The following KMT2D variants were observed in gnomAD, a reference collection of about 807,000 sequenced individuals.
KMT2D encodes lysine methyltransferase 2D.
KMT2D carries 55 observed loss-of-function variants against 512.7 expected under a neutral mutation model. The ratio of observed to expected loss-of-function variants is 0.11; its 90% CI spans 0.09 to 0.13. The LOEUF is 0.13. KMT2D is among the 10% of genes least tolerant of loss of function. KMT2D has a pLI of 1.00. For missense variants in KMT2D, 6,061 were observed against 7,127.9 expected (o/e 0.85, Z 5.39); for synonymous variants, 2,995 against 2,904.0 (o/e 1.03, Z -1.01).
At chr12:49,035,024 A>G (rs1943146864) in intron 35 of KMT2D, 89 bp from the exon 36 acceptor site, 1 of 1,519,524 alleles carries the variant, frequency 6.6e-7, no homozygotes, top group African/African-American at 1.4e-5. Context: ...GACTTCAACC[A>G]CGCCAGGCAG....
In KMT2D at chr12:49,037,944, T is replaced by A. The variant is rs1219317505; in HGVS notation, c.9412A>T (p.Thr3138Ser). 2 of 1,603,666 alleles carry A rather than the reference T, an allele frequency of 1.2e-6. No individual in the cohort carries two copies. Among genetic ancestry groups the A allele is most frequent in the Admixed American group, 3.4e-5 (2 of 58,472 alleles). ...GCAGGTGCGGGCTCTACCTTGGGGG[T>A]AGCAATGGTGAATTGGCAAGGAGAA... is the stretch of plus-strand genomic sequence containing the variant. ...HPSPCQFTIA[T>S]PKVEPAPAAN... The change falls in exon 35 of 55, where the codon ACC becomes TCC. Residue 3138 changes from threonine (T) to serine (S), a missense_variant. This residue lies in a region of KMT2D where 533 missense variants were observed against 539.6 expected (regional missense o/e 0.99). Coordinates refer to ENST00000301067, the MANE Select transcript of KMT2D (RefSeq NM_003482.4).
At position 49,042,422 on chromosome 12, in the gene KMT2D, CAA is replaced by C; in HGVS notation, c.5868-94_5868-93del. Reference sequence around the variant, plus strand: ...AGAGCCCCAGGCCACTGCCCTGCCCCAAAAGAGGAGGGTCACTAACAAGGGAA... The same window carrying C: ...AGAGCCCCAGGCCACTGCCCTGCCCCAAGAGGAGGGTCACTAACAAGGGAA... On this transcript the variant is annotated intron_variant, in intron 28 of 54. Coordinates refer to ENST00000301067, the MANE Select transcript of KMT2D (RefSeq NM_003482.4). The surrounding 1 kb of genome is among the most constrained non-coding windows in gnomAD (Gnocchi z 4.4). 1 of 1,503,834 alleles carries C rather than the reference CAA, an allele frequency of 6.6e-7. No homozygotes were observed. The highest frequency in any genetic ancestry group is 8.9e-7 in the Non-Finnish European group (1 of 1,119,762). The allele number at this position is 1,503,834 out of a possible 1,614,324, so 93.2% of individuals were successfully genotyped here.
chr12:49,043,005 C>T, intron 26 of KMT2D, 71 bp downstream of exon 26: 1 of 1,560,638 alleles, frequency 6.4e-7, no homozygotes, highest in Non-Finnish European at 8.8e-7. Context: ...GATCACAGTC[C>T]CAAAGATAGG....
At chr12:49,052,457 G>A (rs777342213) in intron 10 of KMT2D, 33 bp from the exon 11 acceptor site, 1 of 1,546,274 alleles carries the variant, frequency 6.5e-7, no homozygotes, top group South Asian at 1.2e-5. Flanking sequence ...CTCCTATCTA[G>A]CTCAGATCTA....
Position 49,019,978 on chromosome 12 carries a change from A to C in KMT2D, c.*1802T>G. The stretch of plus-strand genomic sequence containing the variant: ...GATTCTTGAAAATATTAATTACAAA[A>C]TGCCCTTTGCCCACAGCCCCTAGAA... On this transcript the variant is annotated 3_prime_UTR_variant, in exon 55 of 55. Coordinates refer to ENST00000301067, the MANE Select transcript of KMT2D (RefSeq NM_003482.4). 1 of 222,692 alleles carries C rather than the reference A, an allele frequency of 4.5e-6. No homozygotes were observed. The highest frequency in any genetic ancestry group is 1.3e-3 in the Middle Eastern group (1 of 742). The allele number at this position is 222,692 out of a possible 1,614,324, so 13.8% of individuals were successfully genotyped here.
rs373936493 is a variant in KMT2D at position 49,022,174 on chromosome 12, G to T, written c.16413-23C>A. 1 of 1,609,742 alleles carries T rather than the reference G, an allele frequency of 6.2e-7. No homozygotes were observed. Among genetic ancestry groups the T allele is most frequent in the Non-Finnish European group, 8.5e-7 (1 of 1,176,138 alleles). ...TACCTGGGCAGTGGGACAGAGTCAG[G>T]GATGTCAGGCAACTAACTTGGGACA... On this transcript the variant is annotated intron_variant, in intron 53 of 54. Transcript: ENST00000301067. This position sits in a 1 kb window ranked among gnomAD's most constrained non-coding sequence, Gnocchi z 8.6.
rs565063298 is a variant in KMT2D, at chr12:49,042,067, C to T, written c.6109+22G>A. On this transcript the variant is annotated intron_variant, in intron 29 of 54. Transcript: ENST00000301067. This position sits in a 1 kb window ranked among gnomAD's most constrained non-coding sequence, Gnocchi z 4.4. ...CCTGCCATGTTGCCAGGCTGTCTCC[C>T]TTGCCCTCATCCCACAGGTACCTGG... 7 of 1,613,434 alleles carry T rather than the reference C, an allele frequency of 4.3e-6. No individual in the cohort carries two copies. In the Admixed American group the frequency reaches 6.7e-5, roughly 15 times the overall value.
Position 49,024,765 on chromosome 12 carries a change from T to C in KMT2D, c.15921+45A>G, listed in dbSNP as rs2137711076. 1.2e-6 allele frequency: 2 copies of C among 1,608,538 alleles called. No homozygotes were observed. The highest frequency in any genetic ancestry group is 4.5e-5 in the East Asian group (2 of 44,744). On this transcript the variant is annotated intron_variant, in intron 50 of 54. Coordinates refer to ENST00000301067, the MANE Select transcript of KMT2D (RefSeq NM_003482.4). This position sits in a 1 kb window ranked among gnomAD's most constrained non-coding sequence, Gnocchi z 4.5. The stretch of plus-strand genomic sequence containing the variant: ...GAGTTTTTTTGGGGTTAGGCCAAAG[T>C]TCTCAGTGCCCGCCAAGCCCCCCAG...
chr12:49,051,095 C>T lies in KMT2D; in HGVS notation c.2588G>A (p.Arg863Gln), dbSNP rs747921601. Reference protein sequence around the residue: ...PELEKPPLSPRPEKPPEEPGQ... With the variant: ...PELEKPPLSPQPEKPPEEPGQ... Reference sequence around the variant, plus strand: ...TGGCTCCTCAGGGGGCTTTTCAGGCCGAGGGGACAGGGGTGGCTTCTCAAG... The same window carrying T: ...TGGCTCCTCAGGGGGCTTTTCAGGCTGAGGGGACAGGGGTGGCTTCTCAAG... Residue 863 changes from arginine (R) to glutamine (Q), a missense_variant, in exon 11 of 55, where the codon CGG (arginine) becomes CAG (glutamine). Coordinates refer to ENST00000301067, the MANE Select transcript of KMT2D (RefSeq NM_003482.4). 1.9e-5 allele frequency: 29 copies of T among 1,519,988 alleles called. No homozygotes were observed. Among genetic ancestry groups the T allele is most frequent in the Admixed American group, 6.7e-5 (3 of 44,650 alleles). 94.2% of individuals were successfully genotyped at this position (1,519,988 alleles called of 1,614,324 possible).
At chr12:49,057,654 C>T (rs1347221556) in intron 1 of KMT2D, among the ~76,000 whole-genome samples, 1 of 152,182 alleles carries the variant, frequency 6.6e-6, no homozygotes, top group East Asian at 1.9e-4. Context: ...ATTTCCCCAT[C>T]CCTGCAGTCC....
chr12:49,025,055 A>G, intron 49 of KMT2D, 109 bp from the exon 50 acceptor site: 1 of 1,264,956 alleles, frequency 7.9e-7, no homozygotes, highest in Non-Finnish European at 1.1e-6. Context: ...AAGCCTCCCT[A>G]TCATGAAGTT....
In KMT2D at chr12:49,054,985, A is replaced by G. The variant is rs1938321808; in HGVS notation, c.91T>C (p.Ser31Pro). Residue 31 changes from serine (S) to proline (P), a missense_variant, in exon 3 of 55, where the codon TCA becomes CCA. Transcript: ENST00000301067. This position sits in a 1 kb window ranked among gnomAD's most constrained non-coding sequence, Gnocchi z 6.4. ...CCCACATGTGGGTTGGGCAGGTCTG[A>G]CTCAGTGGCACTTGGGTCCTCAGAA... Reference protein sequence around the residue: ...AASEDPSATESDLPNPHVGEV... With the variant: ...AASEDPSATEPDLPNPHVGEV... The G allele has an allele frequency of 1.9e-6, 3 of 1,613,988 alleles. No homozygotes were observed. Among genetic ancestry groups the G allele is most frequent in the Middle Eastern group, 3.3e-4 (2 of 6,062 alleles).
In KMT2D at chr12:49,050,701, C is replaced by T. The variant is rs1223946550; in HGVS notation, c.2887G>A (p.Ala963Thr). Residue 963 changes from alanine (A) to threonine (T), a missense_variant, in exon 12 of 55, where the codon GCC becomes ACC. Physicochemically the swap from Ala to Thr is moderately conservative, Grantham distance 58 (BLOSUM62 0). Around this residue, in one of 16 missense-constraint regions of KMT2D, gnomAD observed 848 missense variants for 838.5 expected, o/e 1.01. Coordinates refer to ENST00000301067, the MANE Select transcript of KMT2D (RefSeq NM_003482.4). ...GACTCAGGGTCACTGTCCCCTTTGG[C>T]ACCAAAGGGGTACTCTAACTCCCCC... ...PLGELEYPFG[A>T]KGDSDPESPL... The T allele has an allele frequency of 3.7e-6, 6 of 1,613,230 alleles. No homozygotes were observed. In the East Asian group the frequency reaches 6.7e-5, roughly 18 times the overall value.
rs774256048 is a variant in KMT2D, at chr12:49,043,645, T to C, written c.5457A>G (p.Thr1819=). ...DGGSERKELP[T]SQKGDDGPDI... ...TCCCACATAACTAACCTTTCTGCGA[T>C]GTGGGGAGTTCCTTCCTTTCTGAGC... The change falls in exon 24 of 55, where the codon ACA becomes ACG. Residue 1819 remains threonine, a synonymous_variant. Coordinates refer to ENST00000301067, the MANE Select transcript of KMT2D (RefSeq NM_003482.4). The C allele has an allele frequency of 5.0e-6, 8 of 1,614,032 alleles. No homozygotes were observed. Among genetic ancestry groups the C allele is most frequent in the Admixed American group, 1.7e-5 (1 of 60,028 alleles).
chr12:49,027,223 A>T lies in KMT2D; in HGVS notation c.14743T>A (p.Ser4915Thr). ...GGTGCCAAGGGGGAAGGGGGCGGGG[A>T]GGGTTCTTCAGGAGGTGGGGCCGAG... ...QLSAPPPEEP[S>T]PPPSPLAPSP... The change falls in exon 49 of 55, where the codon TCC becomes ACC. Residue 4915 changes from serine to threonine, a missense_variant. Physicochemically the swap from Ser to Thr is moderately conservative, Grantham distance 58. Around this residue, in one of 16 missense-constraint regions of KMT2D, gnomAD observed 1,600 missense variants for 1,754.9 expected, o/e 0.91. Transcript: ENST00000301067. 6.6e-7 allele frequency: 1 copy of T among 1,526,450 alleles called. No individual in the cohort carries two copies. Among genetic ancestry groups the T allele is most frequent in the Non-Finnish European group, 8.8e-7 (1 of 1,135,534 alleles). The allele number at this position is 1,526,450 out of a possible 1,614,324, so 94.6% of individuals were successfully genotyped here. A position where few individuals can be genotyped will look rare whatever the true frequency, so the allele number is the denominator to read the frequency against.
chr12:49,021,819 G>A lies in KMT2D; in HGVS notation c.16575C>T (p.Cys5525=), dbSNP rs2137702897. ...DFEDDQHKIP[C]HCGAWNCRKW... ...TCCGACAATTCCAGGCTCCACAGTG[G>A]CAGGGGATCTTGTGCTGATCGTCCT... The change falls in exon 55 of 55, where the codon TGC becomes TGT. Residue 5525 remains cysteine, a synonymous_variant. Coordinates refer to ENST00000301067, the MANE Select transcript of KMT2D (RefSeq NM_003482.4). 1.2e-6 allele frequency: 2 copies of A among 1,613,980 alleles called. No homozygotes were observed. Among genetic ancestry groups the A allele is most frequent in the Non-Finnish European group, 1.7e-6 (2 of 1,179,858 alleles).
At position 49,050,542 on chromosome 12, in the gene KMT2D, G is replaced by A. The variant is rs2120652345; in HGVS notation, c.3046C>T (p.Leu1016=). Residue 1016 remains leucine, a synonymous_variant, in exon 12 of 55, where the codon CTG becomes TTG. Coordinates refer to ENST00000301067, the MANE Select transcript of KMT2D (RefSeq NM_003482.4). ...GSPVGPASPI[L]MEPLPPQCSP... ...CACTGAGGAGGAAGGGGCTCCATCA[G>A]GATGGGAGAAGCCGGCCCCACTGGG... 1 of 1,606,448 alleles carries A rather than the reference G, an allele frequency of 6.2e-7. No individual in the cohort carries two copies. Among genetic ancestry groups the A allele is most frequent in the Middle Eastern group, 1.7e-4 (1 of 6,038 alleles).
rs760917439 is a variant in KMT2D at position 49,046,442 on chromosome 12, A to G, written c.4419-18T>C. The G allele has an allele frequency of 4.0e-5, 65 of 1,611,448 alleles. No individual in the cohort carries two copies. Among genetic ancestry groups the G allele is most frequent in the Non-Finnish European group, 5.2e-5 (61 of 1,178,266 alleles). On this transcript the variant is annotated intron_variant, in intron 16 of 54. Transcript: ENST00000301067. The surrounding 1 kb of genome is among the most constrained non-coding windows in gnomAD (Gnocchi z 4.2). ...ACACACACCTGATAGGAGCAGGAAA[A>G]CAGAGCTTTAGCACCCAACCTACCC...
In KMT2D at chr12:49,033,062, C is replaced by T; in HGVS notation, c.11643G>A (p.Met3881Ile). 1.3e-6 allele frequency: 2 copies of T among 1,551,604 alleles called. No individual in the cohort carries two copies. Among genetic ancestry groups the T allele is most frequent in the Non-Finnish European group, 1.7e-6 (2 of 1,146,958 alleles). Residue 3881 changes from methionine to isoleucine, a missense_variant, in exon 40 of 55, where the codon ATG becomes ATA. Coordinates refer to ENST00000301067, the MANE Select transcript of KMT2D (RefSeq NM_003482.4). ...AGLSHLQQSL[M>I]SHSGQPKLSA... ...TCAGTTTGGGCTGCCCACTGTGTGA[C>T]ATCAGACTCTGCTGAAGATGGGACA...
Sources: gnomAD v4.1 joint callset for allele counts (sites outside exome capture counted in the v4.1 genomes callset) on GRCh38, gnomAD v4.1.1 for gene constraint, gnomAD v4.1.1 regional missense constraint, Gnocchi (gnomAD v3.1) non-coding constraint, MANE v1.5 for transcripts, NCBI Gene and HGNC (gene_info 2026-07-23, HGNC 2026-07-21) for gene names.